Variants in XG observed in about 807,000 individuals in gnomAD.
XG encodes the protein Xg glycoprotein (Xg blood group), also known as glycoprotein Xg.
A neutral mutation model predicts 25.7 loss-of-function variants in XG; 24 were observed. That is an observed-to-expected ratio of 0.93 (90% CI 0.68 to 1.31). XG has a LOEUF of 1.31. Ranked by LOEUF, XG falls within the 40% of genes most tolerant of loss-of-function variation. XG has a pLI of 0.00. For synonymous variants in XG, 77 were observed against 69.2 expected (o/e 1.11, Z -0.56); for missense variants, 181 against 187.6 (o/e 0.96, Z 0.21).
At chrX:2,760,734 C>CA (rs60707389) in intron 1 of XG, among the ~76,000 whole-genome samples, 52 of 67,750 alleles carry the variant, frequency 7.7e-4, no homozygotes, top group East Asian at 2.5e-3. Flanking sequence ...GGCTCTGTCT[C>CA]AAAAAAAAAA....
At chrX:2,770,500 T>C (rs1330413557) in intron 1 of XG, 50 bp from the exon 2 acceptor site, 1 of 1,610,686 alleles carries the variant, frequency 6.2e-7, no homozygotes, top group Non-Finnish European at 8.5e-7. Flanking sequence ...ACAAGGGGGA[T>C]TCTGGCCTTT....
At chrX:2,766,718 C>A (rs372896336) in intron 1 of XG, among the ~76,000 whole-genome samples, 3 of 151,456 alleles carry the variant, frequency 2.0e-5, no homozygotes, top group Middle Eastern at 3.4e-3. Context: ...GCGCCCGCCA[C>A]CACACCCGGC....
chrX:2,808,568 G>A, intron 9 of XG: 1 of 753,536 alleles, frequency 1.3e-6, no homozygotes, highest in Non-Finnish European at 1.6e-6. Context: ...AGAAGGACAG[G>A]AGAAAGGAAG....
intron 2 of XG, among the ~76,000 whole-genome samples, chrX:2,771,141 AAC>A (rs1368651214): frequency 6.6e-6 from 1 of 152,086 alleles, no homozygotes; most frequent in Admixed American, 6.6e-5. Context: ...GACGTGCCTC[AAC>A]ATGCCTGGCC....
intron 5 of XG, among the ~76,000 whole-genome samples, chrX:2,792,615 G>T (rs2086848229): frequency 1.9e-5 from 2 of 107,892 alleles, no homozygotes; most frequent in South Asian, 8.4e-4. Flanking sequence ...GCCCAGGCTG[G>T]TCACAAACTC....
chrX:2,778,703 C>T (rs1263093399), intron 3 of XG, among the ~76,000 whole-genome samples: 1 of 151,938 alleles, frequency 6.6e-6, no homozygotes, highest in Non-Finnish European at 1.5e-5. Context: ...AACCAAATTC[C>T]ACATAGGCAG....
chrX:2,775,809 A>T (rs1456659073), intron 3 of XG, among the ~76,000 whole-genome samples: 1 of 151,824 alleles, frequency 6.6e-6, no homozygotes. Context: ...TAAAAAAATT[A>T]GCTGGGCATG....
At chrX:2,785,298 CAG>C (rs974537888) in intron 4 of XG, among the ~76,000 whole-genome samples, 1 of 111,771 alleles carries the variant, frequency 8.9e-6, no homozygotes, top group African/African-American at 3.3e-5. Context: ...GCATTTGTCT[CAG>C]GGGAGCAGAG....
intron 1 of XG, among the ~76,000 whole-genome samples, chrX:2,770,277 GAC>G (rs1439183464): frequency 4.6e-5 from 7 of 151,692 alleles, no homozygotes; most frequent in African/African-American, 1.4e-4. Context: ...AATTCATGGA[GAC>G]AGAAAGTGGA....
At chrX:2,782,838 T>C (rs1051658712) in intron 4 of XG, among the ~76,000 whole-genome samples, 3 of 111,868 alleles carry the variant, frequency 2.7e-5, no homozygotes, top group Non-Finnish European at 5.6e-5. Flanking sequence ...TTGTAGCTAA[T>C]TTTTTGGTCC....
At chrX:2,812,398 C>A (rs897107066) in intron 10 of XG, among the ~76,000 whole-genome samples, 8 of 111,050 alleles carry the variant, frequency 7.2e-5, no homozygotes, top group African/African-American at 2.6e-4. Flanking sequence ...TGACTCAGAT[C>A]TTTAACTGGG....
At chrX:2,763,008 A>C (rs1418880231) in intron 1 of XG, among the ~76,000 whole-genome samples, 7 of 152,182 alleles carry the variant, frequency 4.6e-5, no homozygotes, top group Non-Finnish European at 1.0e-4. Context: ...TTTCCTGTAA[A>C]GACTAAAGAT....
intron 1 of XG, among the ~76,000 whole-genome samples, chrX:2,753,416 T>C (rs931735829): frequency 1.3e-5 from 2 of 152,078 alleles, no homozygotes; most frequent in Non-Finnish European, 2.9e-5. Flanking sequence ...GTTAACCATA[T>C]CCCCTTGGGC....
chrX:2,814,420 A>G lies in XG; in HGVS notation c.*40A>G, dbSNP rs375913519. ...CCTGATTACTTTGAGAAAAACAACT[A>G]AAACAAGAACCGTGTTTATCACTGT... On this transcript the variant is annotated 3_prime_UTR_variant, in exon 11 of 11. Coordinates refer to ENST00000644266, the MANE Select transcript of XG (RefSeq NM_001141919.2). 3 of 1,188,546 alleles carry G rather than the reference A, an allele frequency of 2.5e-6. No homozygotes were observed. Among genetic ancestry groups the G allele is most frequent in the Non-Finnish European group, 3.4e-6 (3 of 882,250 alleles).
In XG at chrX:2,752,079, A is replaced by G; in HGVS notation, c.-196A>G. 2 of 816,744 alleles carry G rather than the reference A, an allele frequency of 2.4e-6. No individual in the cohort carries two copies. Among genetic ancestry groups the G allele is most frequent in the South Asian group, 3.9e-5 (2 of 50,778 alleles). The allele number at this position is 816,744 out of a possible 1,614,324, so 50.6% of individuals were successfully genotyped here. ...GCCTACACTGGTCCCACAGGTTTTC[A>G]GCTGTGGAGTTTGGGATCTGAGCTT... On this transcript the variant is annotated 5_prime_UTR_variant, in exon 1 of 11. Coordinates refer to ENST00000644266, the MANE Select transcript of XG (RefSeq NM_001141919.2).
chrX:2,788,357 A>G lies in XG; in HGVS notation c.191-1287A>G, dbSNP rs1367346673. 1.4e-4 allele frequency among the ~76,000 whole-genome samples: 16 copies of G among 112,259 alleles called. No homozygotes were observed. In the East Asian group the frequency reaches 4.5e-3, roughly 31 times the overall value. Reference sequence around the variant, plus strand: ...CGACAAAAAGGTGCTGAAGATACAGACTCATGTCGTGCAAAGAGCTTGCAC... The same window carrying G: ...CGACAAAAAGGTGCTGAAGATACAGGCTCATGTCGTGCAAAGAGCTTGCAC... On this transcript the variant is annotated intron_variant, in intron 4 of 10. Transcript: ENST00000644266.
At chrX:2,783,868 G>C (rs1156501845) in intron 4 of XG, among the ~76,000 whole-genome samples, 8 of 112,075 alleles carry the variant, frequency 7.1e-5, no homozygotes, top group African/African-American at 2.6e-4. Context: ...CCAGCTACTT[G>C]GGAGGCTAAG....
At chrX:2,785,164 C>G (rs758723349) in intron 4 of XG, among the ~76,000 whole-genome samples, 1 of 112,134 alleles carries the variant, frequency 8.9e-6, no homozygotes, top group Non-Finnish European at 1.9e-5. Flanking sequence ...AGTCCTTGAT[C>G]GGCCTTTTAC....
At chrX:2,755,168 T>C (rs2050408282) in intron 1 of XG, among the ~76,000 whole-genome samples, 1 of 152,120 alleles carries the variant, frequency 6.6e-6, no homozygotes, top group Non-Finnish European at 1.5e-5. Flanking sequence ...TCTCGCTCCA[T>C]AAAGAATTCA....
Sources: allele counts gnomAD v4.1 joint callset (sites outside exome capture counted in the v4.1 genomes callset), GRCh38; gene constraint gnomAD v4.1.1; transcripts MANE v1.5; gene names NCBI Gene and HGNC (gene_info 2026-07-23, HGNC 2026-07-21).